The following REG3G variants were observed in gnomAD, a reference collection of about 807,000 sequenced individuals.
REG3G encodes regenerating islet-derived protein 3-gamma.
Under a neutral mutation model 20.9 loss-of-function variants are expected in REG3G, and 19 were observed. That is an observed-to-expected ratio of 0.91 (90% CI 0.64 to 1.34). The LOEUF (loss-of-function observed/expected upper bound fraction) is 1.34. Among genes scored for constraint, REG3G ranks in the 40% most tolerant of loss-of-function variants. REG3G has a pLI of 0.00. For synonymous variants in REG3G, 89 were observed against 77.4 expected (o/e 1.15, Z -0.79); for missense variants, 235 against 205.0 (o/e 1.15, Z -0.89).
chr2:79,027,533 G>T (rs374209731), intron 4 of REG3G, among the ~76,000 whole-genome samples: 1 of 152,142 alleles, frequency 6.6e-6, no homozygotes, highest in Non-Finnish European at 1.5e-5. Context: ...TTTGAGGTTC[G>T]CAGGCTAATC....
In REG3G at chr2:79,026,256, T is replaced by C. The variant is rs1301175378; in HGVS notation, c.76+87T>C. ...GAAGGCTCCTGTGTGTCACGTGAGG[T>C]AATGACGTGGTGTCTAATGAAACTG... On this transcript the variant is annotated intron_variant, in intron 2 of 5. Coordinates refer to ENST00000272324, the MANE Select transcript of REG3G (RefSeq NM_001008387.3). The C allele has an allele frequency of 2.3e-6, 3 of 1,314,106 alleles. No individual in the cohort carries two copies. The Admixed American group carries it at 5.1e-5, about 22-fold the overall frequency. 81.4% of individuals were successfully genotyped at this position (1,314,106 alleles called of 1,614,324 possible).
intron 4 of REG3G, 56 bp from the exon 5 acceptor site, chr2:79,027,751 G>A (rs1166124787): frequency 3.7e-6 from 6 of 1,605,714 alleles, no homozygotes; most frequent in Non-Finnish European, 4.3e-6. Flanking sequence ...CAGGGGCCAT[G>A]CAAAGAGACC....
At position 79,027,147 on chromosome 2, in the gene REG3G, G is replaced by C. The variant is rs1356943617; in HGVS notation, c.309G>C (p.Trp103Cys). The change falls in exon 4 of 6, where the codon TGG becomes TGC. Residue 103 changes from tryptophan to cysteine, a missense_variant. Transcript: ENST00000272324. ...TTAGTAACAGCTATTCATACATCTG[G>C]ATTGGGCTCCATGACCCCACACAGG... ...RSISNSYSYIWIGLHDPTQGS... is the reference protein window; with the variant it reads ...RSISNSYSYICIGLHDPTQGS... The C allele has an allele frequency of 5.6e-6, 9 of 1,613,802 alleles. No homozygotes were observed. Among genetic ancestry groups the C allele is most frequent in the Non-Finnish European group, 7.6e-6 (9 of 1,179,816 alleles).
At position 79,028,203 on chromosome 2, in the gene REG3G, C is replaced by G; in HGVS notation, c.461-6C>G. The G allele has an allele frequency of 6.2e-7, 1 of 1,605,246 alleles. No individual in the cohort carries two copies. The highest frequency in any genetic ancestry group is 1.3e-5 in the African/African-American group (1 of 74,856). On this transcript the variant is annotated splice_region_variant and splice_polypyrimidine_tract_variant and intron_variant, in intron 5 of 5. Transcript: ENST00000272324. ...GCCCCATGCCTTTTATATTCTGTCT[C>G]CCTAGGATTTCTGAAGTGGAAAGAT...
rs1671631684 is a variant in REG3G at position 79,026,789 on chromosome 2, C to T, written c.153C>T (p.Cys51=). The change falls in exon 3 of 6, where the codon TGC becomes TGT. Residue 51 remains cysteine, a synonymous_variant. Transcript: ENST00000272324. ...PKGSKAYGSP[C]YALFLSPKSW... ...GCTCCAAGGCCTATGGCTCCCCCTG[C>T]TATGCCTTGTTTTTGTCACCAAAAT... The T allele has an allele frequency of 1.2e-6, 2 of 1,613,652 alleles. No individual in the cohort carries two copies. Among genetic ancestry groups the T allele is most frequent in the Middle Eastern group, 1.7e-4 (1 of 6,058 alleles).
Position 79,027,752 on chromosome 2 carries a change from C to G in REG3G, c.334-55C>G, listed in dbSNP as rs1671660697. The G allele has an allele frequency of 3.7e-6, 6 of 1,606,220 alleles. No homozygotes were observed. The African/African-American group carries it at 5.4e-5, about 14-fold the overall frequency. Reference sequence around the variant, plus strand: ...CAGGTGTTACAGCTCAGGGGCCATGCAAAGAGACCTGCAATGGCCATTTTC... The same window carrying G: ...CAGGTGTTACAGCTCAGGGGCCATGGAAAGAGACCTGCAATGGCCATTTTC... On this transcript the variant is annotated intron_variant, in intron 4 of 5. Coordinates refer to ENST00000272324, the MANE Select transcript of REG3G (RefSeq NM_001008387.3).
chr2:79,027,158 A>G lies in REG3G; in HGVS notation c.320A>G (p.His107Arg). Residue 107 changes from histidine to arginine, a missense_variant, in exon 4 of 6, where the codon CAT becomes CGT. His to Arg is a conservative substitution (Grantham distance 29, BLOSUM62 0). Coordinates refer to ENST00000272324, the MANE Select transcript of REG3G (RefSeq NM_001008387.3). ...NSYSYIWIGL[H>R]DPTQGSEPDG... is the part of the protein sequence containing the mutation. ...TATTCATACATCTGGATTGGGCTCCATGACCCCACACAGGTGCGAGTATAT... is the reference window on the plus strand; with the variant it reads ...TATTCATACATCTGGATTGGGCTCCGTGACCCCACACAGGTGCGAGTATAT... The G allele has an allele frequency of 6.2e-7, 1 of 1,613,832 alleles. No homozygotes were observed. The highest frequency in any genetic ancestry group is 8.5e-7 in the Non-Finnish European group (1 of 1,179,794).
At chr2:79,027,707 C>G (rs1476365327) in intron 4 of REG3G, 100 bp from the exon 5 acceptor site, 1 of 1,412,310 alleles carries the variant, frequency 7.1e-7, no homozygotes, top group African/African-American at 1.4e-5. Flanking sequence ...AGACCAAAAT[C>G]CCTGATGCTG....
chr2:79,027,769 G>T (rs1350258713), intron 4 of REG3G, 38 bp from the exon 5 acceptor site: 2 of 1,612,920 alleles, frequency 1.2e-6, no homozygotes, highest in Non-Finnish European at 8.5e-7. Flanking sequence ...ACCTGCAATG[G>T]CCATTTTCTT....
At chr2:79,026,597 A>G in intron 2 of REG3G, 116 bp from the exon 3 acceptor site, 2 of 805,196 alleles carry the variant, frequency 2.5e-6, no homozygotes, top group Non-Finnish European at 4.1e-6. Flanking sequence ...AGGGAAGATG[A>G]AGAGCTGTCA....
In REG3G at chr2:79,026,128, G is replaced by C; in HGVS notation, c.35G>C (p.Trp12Ser). 8 of 1,614,002 alleles carry C rather than the reference G, an allele frequency of 5.0e-6. No homozygotes were observed. The highest frequency in any genetic ancestry group is 6.8e-6 in the Non-Finnish European group (8 of 1,179,918). The part of the protein sequence containing the change: ...LPPMALPSVS[W>S]MLLSCLILLC... The stretch of plus-strand genomic sequence containing the variant: ...CCCATGGCCCTGCCCAGTGTGTCCT[G>C]GATGCTGCTTTCCTGCCTCATTCTC... The change falls in exon 2 of 6, where the codon TGG becomes TCG. Residue 12 changes from tryptophan (W) to serine (S), a missense_variant. Coordinates refer to ENST00000272324, the MANE Select transcript of REG3G (RefSeq NM_001008387.3).
chr2:79,026,660 TCCCA>T, intron 2 of REG3G, 49 bp from the exon 3 acceptor site: 3 of 1,441,462 alleles, frequency 2.1e-6, no homozygotes, highest in Non-Finnish European at 2.9e-6. Context: ...CAAGGTCATC[TCCCA>T]CCCACCCCCT....
chr2:79,027,028 T>C lies in REG3G; in HGVS notation c.196-6T>C. On this transcript the variant is annotated splice_polypyrimidine_tract_variant and splice_region_variant and intron_variant, in intron 3 of 5. Coordinates refer to ENST00000272324, the MANE Select transcript of REG3G (RefSeq NM_001008387.3). ...CTCCATCTCATTCTCTTTGTCCCCC[T>C]CAAAGCTGGCTTGCCAGAAGCGGCC... The C allele has an allele frequency of 6.2e-7, 1 of 1,613,998 alleles. No homozygotes were observed. Among genetic ancestry groups the C allele is most frequent in the South Asian group, 1.1e-5 (1 of 91,070 alleles).
intron 2 of REG3G, 81 bp downstream of exon 2, chr2:79,026,250 G>A (rs1322307682): frequency 2.2e-5 from 30 of 1,356,382 alleles, no homozygotes; most frequent in Middle Eastern, 1.8e-4. Flanking sequence ...TGTGTGTCAC[G>A]TGAGGTAATG....
At chr2:79,028,156 A>C in intron 5 of REG3G, 53 bp from the exon 6 acceptor site, 1 of 1,413,500 alleles carries the variant, frequency 7.1e-7, no homozygotes, top group Non-Finnish European at 1.0e-6. Context: ...ATGCCTCTTC[A>C]CTGGGTTCAC....
intron 3 of REG3G, 64 bp from the exon 4 acceptor site, chr2:79,026,970 C>T (rs926471147): frequency 1.9e-6 from 3 of 1,603,218 alleles, no homozygotes; most frequent in African/African-American, 1.3e-5. Context: ...CTCCCACCTA[C>T]CTTTTCCCTG....
chr2:79,028,012 T>C, intron 5 of REG3G, 79 bp downstream of exon 5: 1 of 1,576,942 alleles, frequency 6.3e-7, no homozygotes, highest in Middle Eastern at 1.9e-4. Context: ...GAAATCCTTT[T>C]CAGCTAGGTA....
chr2:79,027,921 T>A lies in REG3G; in HGVS notation c.448T>A (p.Ser150Thr), dbSNP rs373141000. The A allele has an allele frequency of 1.5e-5, 24 of 1,614,032 alleles. No homozygotes were observed. The Middle Eastern group carries it at 5.0e-4, about 33-fold the overall frequency. ...AAACCCTGGCCACTGTGGGAGCCTG[T>A]CAAGAAGCACAGGTAAGAAACAGAA... is the stretch of plus-strand genomic sequence containing the variant. Reference protein sequence around the residue: ...ILNPGHCGSLSRSTGFLKWKD... With the variant: ...ILNPGHCGSLTRSTGFLKWKD... The change falls in exon 5 of 6, where the codon TCA becomes ACA. Residue 150 changes from serine to threonine, a missense_variant. Coordinates refer to ENST00000272324, the MANE Select transcript of REG3G (RefSeq NM_001008387.3).
chr2:79,028,412 T>A lies in REG3G; in HGVS notation c.*136T>A. The A allele has an allele frequency of 1.7e-6, 1 of 595,866 alleles. No homozygotes were observed. The highest frequency in any genetic ancestry group is 2.8e-5 in the Admixed American group (1 of 36,070). The allele number at this position is 595,866 out of a possible 1,614,324, so 36.9% of individuals were successfully genotyped here. A position where few individuals can be genotyped will look rare whatever the true frequency, so the allele number is the denominator to read the frequency against. ...ACTACCTTGTCATGATCCTCCTTCT[T>A]TTTCCTTTTTCTTCACCTTCATTTC... On this transcript the variant is annotated 3_prime_UTR_variant, in exon 6 of 6. Transcript: ENST00000272324.
Sources: allele counts gnomAD v4.1 joint callset (sites outside exome capture counted in the v4.1 genomes callset), GRCh38; gene constraint gnomAD v4.1.1; transcripts MANE v1.5; gene names NCBI Gene and HGNC (gene_info 2026-07-23, HGNC 2026-07-21).